The following NCOA3 variants were observed in gnomAD, a reference collection of about 807,000 sequenced individuals.
NCOA3 encodes the protein nuclear receptor coactivator 3.
Under a neutral mutation model 158.8 loss-of-function variants are expected in NCOA3, and 51 were observed. The ratio of observed to expected loss-of-function variants is 0.32; its 90% CI spans 0.26 to 0.41. The LOEUF (loss-of-function observed/expected upper bound fraction) is 0.41, where lower values mean the gene tolerates loss of function less well. NCOA3 is among the 10% of genes least tolerant of loss of function. The pLI is 1.00. For missense variants in NCOA3, 1,510 were observed against 1,746.6 expected (o/e 0.86, Z 2.41); for synonymous variants, 537 against 592.4 (o/e 0.91, Z 1.36).
At chr20:47,601,460 G>A (rs6090704) in intron 2 of NCOA3, among the ~76,000 whole-genome samples, 7,781 of 152,212 alleles carry the variant, frequency 0.051, 233 homozygotes, top group Middle Eastern at 0.078. Flanking sequence ...CATGAAAATC[G>A]TTAGATCGGT....
At chr20:47,628,610 C>T (rs958751485) in intron 8 of NCOA3, 15 of 152,146 alleles carry the variant, frequency 9.9e-5, no homozygotes, top group African/African-American at 3.6e-4. Context: ...TGGGGTTTCA[C>T]CATGTTGTCC....
At chr20:47,619,750 C>T (rs1270188284) in intron 2 of NCOA3, among the ~76,000 whole-genome samples, 1 of 150,908 alleles carries the variant, frequency 6.6e-6, no homozygotes. Flanking sequence ...AGAGACATAA[C>T]AAGAATTATT....
intron 1 of NCOA3, among the ~76,000 whole-genome samples, chr20:47,520,777 G>A (rs945512310): frequency 2.0e-5 from 3 of 152,094 alleles, no homozygotes; most frequent in Non-Finnish European, 2.9e-5. Context: ...GGTCCTTTGC[G>A]CTCACTGAAC....
At chr20:47,557,588 T>C (rs529914026) in intron 1 of NCOA3, among the ~76,000 whole-genome samples, 1 of 152,258 alleles carries the variant, frequency 6.6e-6, no homozygotes, top group South Asian at 2.1e-4. Context: ...TATATACAAA[T>C]TGAGAATGTA....
intron 2 of NCOA3, among the ~76,000 whole-genome samples, chr20:47,591,189 G>C (rs1306464866): frequency 6.6e-6 from 1 of 152,178 alleles, no homozygotes; most frequent in Non-Finnish European, 1.5e-5. Flanking sequence ...TCTGCCACTA[G>C]TTCATTTAGT....
At chr20:47,538,169 C>G (rs186220656) in intron 1 of NCOA3, among the ~76,000 whole-genome samples, 2 of 152,058 alleles carry the variant, frequency 1.3e-5, no homozygotes, top group Non-Finnish European at 2.9e-5. Flanking sequence ...CATGAACCAC[C>G]GCGCCTGGAC....
At chr20:47,607,365 A>G (rs2146270276) in intron 2 of NCOA3, among the ~76,000 whole-genome samples, 1 of 152,338 alleles carries the variant, frequency 6.6e-6, no homozygotes, top group South Asian at 2.1e-4. Context: ...GGATGACTCA[A>G]TCACTAGAAA....
rs1045046167 is a variant in NCOA3, at chr20:47,654,882, G to C, written c.*1465G>C. 2 of 151,924 alleles carry C rather than the reference G, an allele frequency of 1.3e-5. No individual in the cohort carries two copies. The highest frequency in any genetic ancestry group is 2.4e-5 in the African/African-American group (1 of 41,344). The allele number at this position is 151,924 out of a possible 1,614,324, so 9.4% of individuals were successfully genotyped here. On this transcript the variant is annotated 3_prime_UTR_variant, in exon 23 of 23. Coordinates refer to ENST00000371998, the MANE Select transcript of NCOA3 (RefSeq NM_181659.3). ...TGTGTGTATGTGTGTGTGTGTGTGT[G>C]TATGTTTAATTATGTTACCTTTTCA...
intron 3 of NCOA3, 120 bp from the exon 4 acceptor site, chr20:47,623,791 A>AG (rs199988690): frequency 0.017 from 15,500 of 930,214 alleles, 56 homozygotes; most frequent in Non-Finnish European, 0.019. Flanking sequence ...CTCTGTCTCG[A>AG]GGAAAAAAAA....
chr20:47,530,438 T>G (rs1208132584), intron 1 of NCOA3, among the ~76,000 whole-genome samples: 1 of 151,484 alleles, frequency 6.6e-6, no homozygotes, highest in East Asian at 1.9e-4. Flanking sequence ...TTGGTTTGAT[T>G]CAATAAATTT....
rs559198019 is a variant in NCOA3, at chr20:47,522,292, C to T, written c.-99+20273C>T. ...TAATTTTTTGTATTTTTAGTAGAGA[C>T]GGGGTTTCACCATGTTAGCCAGGAT... On this transcript the variant is annotated intron_variant, in intron 1 of 22. Transcript: ENST00000371998. Among the ~76,000 whole-genome samples, 5 of 151,456 alleles carry T rather than the reference C, an allele frequency of 3.3e-5. No homozygotes were observed. The East Asian group carries it at 5.8e-4, about 18-fold the overall frequency.
intron 16 of NCOA3, among the ~76,000 whole-genome samples, chr20:47,641,490 C>CTTTTTTTTTTTTTTTTTT (rs71183270): frequency 2.1e-5 from 1 of 48,342 alleles, no homozygotes; most frequent in African/African-American, 1.2e-4. Flanking sequence ...TGGCTCCCTT[C>CTTTTTTTTTTTTTTTTTT]TTTTTTTTTT....
chr20:47,571,320 C>CTT (rs768257246), intron 1 of NCOA3, among the ~76,000 whole-genome samples: 5 of 136,970 alleles, frequency 3.7e-5, no homozygotes, highest in Admixed American at 1.5e-4. Context: ...TCTTTTCTTT[C>CTT]TTTTTTTTTT....
At chr20:47,640,681 C>G (rs1474977555) in intron 16 of NCOA3, among the ~76,000 whole-genome samples, 1 of 147,168 alleles carries the variant, frequency 6.8e-6, no homozygotes, top group African/African-American at 2.5e-5. Flanking sequence ...GAGATCGAGA[C>G]TATCCTGGCT....
chr20:47,603,877 G>T (rs1210947124), intron 2 of NCOA3, among the ~76,000 whole-genome samples: 2 of 152,228 alleles, frequency 1.3e-5, no homozygotes, highest in South Asian at 4.1e-4. Flanking sequence ...ATATGGGGGC[G>T]TGGTGGGTCA....
chr20:47,563,865 G>A (rs1360530395), intron 1 of NCOA3, among the ~76,000 whole-genome samples: 1 of 149,026 alleles, frequency 6.7e-6, no homozygotes, highest in Non-Finnish European at 1.5e-5. Flanking sequence ...CTGTAGCCTG[G>A]GCTACAGAGC....
chr20:47,595,858 C>T (rs2085746567), intron 2 of NCOA3, among the ~76,000 whole-genome samples: 2 of 152,150 alleles, frequency 1.3e-5, no homozygotes, highest in African/African-American at 4.8e-5. Flanking sequence ...TCATCTAGCT[C>T]ACTATTCTGT....
At chr20:47,629,506 T>C (rs924864746) in intron 8 of NCOA3, among the ~76,000 whole-genome samples, 8 of 152,088 alleles carry the variant, frequency 5.3e-5, no homozygotes, top group Non-Finnish European at 1.2e-4. Flanking sequence ...ATTTTTTACA[T>C]TTTTAGTAGA....
chr20:47,634,924 T>C (rs911225880), intron 10 of NCOA3, among the ~76,000 whole-genome samples: 33 of 114,142 alleles, frequency 2.9e-4, no homozygotes, highest in Middle Eastern at 4.9e-3. Context: ...CTTCTTCTTT[T>C]TTTTTTTTTT....
Sources: allele counts gnomAD v4.1 joint callset (sites outside exome capture counted in the v4.1 genomes callset), GRCh38; gene constraint gnomAD v4.1.1; transcripts MANE v1.5; gene names NCBI Gene and HGNC (gene_info 2026-07-23, HGNC 2026-07-21).